Variants in RGL2 observed in about 807,000 individuals in gnomAD.
The protein encoded by RGL2 is ral guanine nucleotide dissociation stimulator like 2.
RGL2 carries 40 observed loss-of-function variants against 84.6 expected under a neutral mutation model. The observed-to-expected ratio is 0.47, with a 90% CI of 0.37 to 0.62. The LOEUF (loss-of-function observed/expected upper bound fraction) is 0.62. Ranked by LOEUF, RGL2 falls within the 20% of genes least tolerant of loss-of-function variation. The probability of loss-of-function intolerance (pLI) is 0.00; values close to 1 mark genes in which losing one functional copy is unlikely to be tolerated. For synonymous variants in RGL2, 369 were observed against 417.3 expected, an observed-to-expected ratio of 0.88 and a Z score of 1.41; for missense variants, 865 against 1,019.7, an observed-to-expected ratio of 0.85 and a Z score of 2.07.
Position 33,295,344 on chromosome 6 carries a change from G to T in RGL2, c.1099C>A (p.Arg367=). Residue 367 remains arginine, a synonymous_variant, in exon 8 of 18, where the codon CGG becomes AGG. Transcript: ENST00000497454. This position sits in a 1 kb window ranked among gnomAD's most constrained non-coding sequence, Gnocchi z 7.2. ...CTGGTTGCTTCCCCCCAGGCTGCCC[G>T]AAGCCTGTGGATGGGGCTGGACTGC... ...ALQSSPIHRL[R]AAWGEATRDS... 1 of 1,591,650 alleles carries T rather than the reference G, an allele frequency of 6.3e-7. No homozygotes were observed.
rs1767977658 is a variant in RGL2, at chr6:33,296,531, T to G, written c.419+67A>C. On this transcript the variant is annotated intron_variant, in intron 4 of 17. Coordinates refer to ENST00000497454, the MANE Select transcript of RGL2 (RefSeq NM_004761.5). The surrounding 1 kb of genome is among the most constrained non-coding windows in gnomAD (Gnocchi z 5.0). ...CCCTCAGTGGCTTTGACTATTTTGG[T>G]GGGATGTTGCGGCTTTAGGAAATCC... 3.2e-6 allele frequency: 5 copies of G among 1,585,792 alleles called. No individual in the cohort carries two copies. The highest frequency in any genetic ancestry group is 3.5e-5 in the Admixed American group (2 of 56,966).
At position 33,296,685 on chromosome 6, in the gene RGL2, C is replaced by T. The variant is rs1767995585; in HGVS notation, c.332G>A (p.Gly111Glu). ...GGCTGACATGAAGCTCACATCAGTC[C>T]CTGATGTCCGGGTATCCAGTAGGTG... ...VRHLLDTRTS[G>E]TDVSFMSAFL... is the part of the protein sequence containing the mutation. Residue 111 changes from glycine to glutamate, a missense_variant, in exon 4 of 18, where the codon GGG becomes GAG. Gly to Glu is a moderately conservative substitution (Grantham distance 98, BLOSUM62 -2). Transcript: ENST00000497454. The surrounding 1 kb of genome is among the most constrained non-coding windows in gnomAD (Gnocchi z 5.0). The T allele has an allele frequency of 6.2e-7, 1 of 1,613,846 alleles. No homozygotes were observed. Among genetic ancestry groups the T allele is most frequent in the Non-Finnish European group, 8.5e-7 (1 of 1,179,936 alleles).
rs989841321 is a variant in RGL2 at position 33,298,205 on chromosome 6, G to T, written c.156+250C>A. 7.1e-6 allele frequency: 3 copies of T among 424,902 alleles called. No homozygotes were observed. Among genetic ancestry groups the T allele is most frequent in the Non-Finnish European group, 1.3e-5 (3 of 231,642 alleles). 26.3% of individuals were successfully genotyped at this position (424,902 alleles called of 1,614,324 possible). A position where few individuals can be genotyped will look rare whatever the true frequency, so the allele number is the denominator to read the frequency against. ...GGCAGAGGTGGAGGGCCAAAGACCC[G>T]CAGGGACAGGACAGCCAGCCAGAAG... On this transcript the variant is annotated intron_variant, in intron 2 of 17. Transcript: ENST00000497454. This position sits in a 1 kb window ranked among gnomAD's most constrained non-coding sequence, Gnocchi z 4.8.
rs1767891191 is a variant in RGL2 at position 33,295,815 on chromosome 6, A to G, written c.769-56T>C. 3 of 1,571,336 alleles carry G rather than the reference A, an allele frequency of 1.9e-6. No homozygotes were observed. The highest frequency in any genetic ancestry group is 2.7e-5 in the African/African-American group (2 of 74,178). On this transcript the variant is annotated intron_variant, in intron 6 of 17. Transcript: ENST00000497454. This position sits in a 1 kb window ranked among gnomAD's most constrained non-coding sequence, Gnocchi z 7.2. The stretch of plus-strand genomic sequence containing the variant: ...ATAGTCAAGTGAGGTCAGCCTTCCA[A>G]TATCAGGGATCTGAGGATCTCAGGT...
At position 33,295,914 on chromosome 6, in the gene RGL2, G is replaced by A. The variant is rs752307057; in HGVS notation, c.768+114C>T. 1.4e-6 allele frequency: 2 copies of A among 1,456,712 alleles called. No individual in the cohort carries two copies. Among genetic ancestry groups the A allele is most frequent in the Non-Finnish European group, 1.9e-6 (2 of 1,056,478 alleles). The allele number at this position is 1,456,712 out of a possible 1,614,324, so 90.2% of individuals were successfully genotyped here. A position where few individuals can be genotyped will look rare whatever the true frequency, so the allele number is the denominator to read the frequency against. ...GAAAAGGGGAGAATCAAAATGGTAG[G>A]TGGAGGAGGCTAGGAGCTGGATCAG... On this transcript the variant is annotated intron_variant, in intron 6 of 17. Transcript: ENST00000497454. The surrounding 1 kb of genome is among the most constrained non-coding windows in gnomAD (Gnocchi z 7.2).
At chr6:33,292,986 C>T (rs913740400) in intron 16 of RGL2, 30 bp downstream of exon 16, 1 of 1,613,558 alleles carries the variant, frequency 6.2e-7, no homozygotes, top group Admixed American at 1.7e-5. Flanking sequence ...CACCATCCTT[C>T]ACCCCAACTC....
At position 33,297,122 on chromosome 6, in the gene RGL2, G is replaced by A. The variant is rs1311268163; in HGVS notation, c.157-7C>T. On this transcript the variant is annotated splice_region_variant and splice_polypyrimidine_tract_variant and intron_variant, in intron 2 of 17. Coordinates refer to ENST00000497454, the MANE Select transcript of RGL2 (RefSeq NM_004761.5). This position sits in a 1 kb window ranked among gnomAD's most constrained non-coding sequence, Gnocchi z 4.0. ...CCCAGACGGACACAGGGGCCTGGAG[G>A]AGCAAGGAAGGGGAAGTCAGACAGT... 2 of 1,542,400 alleles carry A rather than the reference G, an allele frequency of 1.3e-6. No homozygotes were observed. The highest frequency in any genetic ancestry group is 2.1e-5 in the Admixed American group (1 of 46,796).
Position 33,295,064 on chromosome 6 carries a change from A to G in RGL2, c.1210-19T>C. 1.3e-6 allele frequency: 2 copies of G among 1,584,398 alleles called. No homozygotes were observed. The highest frequency in any genetic ancestry group is 1.1e-5 in the South Asian group (1 of 87,162). On this transcript the variant is annotated intron_variant, in intron 9 of 17. Transcript: ENST00000497454. The surrounding 1 kb of genome is among the most constrained non-coding windows in gnomAD (Gnocchi z 7.2). The stretch of plus-strand genomic sequence containing the variant: ...TCACCTCCTGGTGGTGACAAAATAA[A>G]AGAGACATGGGGGAGCAGTAGGGAA...
chr6:33,293,708 G>C lies in RGL2; in HGVS notation c.1509-9C>G. 4 of 1,613,876 alleles carry C rather than the reference G, an allele frequency of 2.5e-6. No homozygotes were observed. The highest frequency in any genetic ancestry group is 3.4e-6 in the Non-Finnish European group (4 of 1,179,846). On this transcript the variant is annotated splice_polypyrimidine_tract_variant and intron_variant, in intron 13 of 17. Transcript: ENST00000497454. The surrounding 1 kb of genome is among the most constrained non-coding windows in gnomAD (Gnocchi z 7.0). ...CACAGGATACACGATGGCTGGGTTA[G>C]GGGGGCAATAGGCAGAGCTCAGGAC...
rs1767864968 is a variant in RGL2, at chr6:33,295,549, G to A, written c.979C>T (p.Gln327Ter). ...CACTTCTCCAGGAGCCGGGCCCTCT[G>A]TGGGGGACGGAGTGGCCGTATGGTC... The part of the protein sequence containing the change: ...EVTIRPLRPP[Q>*]RARLLEKWIR... Residue 327 changes from glutamine to a stop codon, truncating the protein, a stop_gained, in exon 7 of 18, where the codon CAG becomes TAG. Coordinates refer to ENST00000497454, the MANE Select transcript of RGL2 (RefSeq NM_004761.5). LOFTEE classifies it high-confidence loss of function. This position sits in a 1 kb window ranked among gnomAD's most constrained non-coding sequence, Gnocchi z 7.2. 1 of 1,613,974 alleles carries A rather than the reference G, an allele frequency of 6.2e-7. No homozygotes were observed. Among genetic ancestry groups the A allele is most frequent in the Non-Finnish European group, 8.5e-7 (1 of 1,180,014 alleles).
rs1462563105 is a variant in RGL2, at chr6:33,293,580, C to G, written c.1604+24G>C. The G allele has an allele frequency of 6.2e-7, 1 of 1,612,148 alleles. No individual in the cohort carries two copies. On this transcript the variant is annotated intron_variant, in intron 14 of 17. Coordinates refer to ENST00000497454, the MANE Select transcript of RGL2 (RefSeq NM_004761.5). This position sits in a 1 kb window ranked among gnomAD's most constrained non-coding sequence, Gnocchi z 7.0. ...GAAAAGTGGAAGTCCCAAGAAACCA[C>G]CCCCCAGCCAGTGAATCTCTCACTC...
upstream of RGL2, chr6:33,299,215 C>G (rs185554187): frequency 6.6e-6 from 1 of 152,268 alleles, no homozygotes; most frequent in Non-Finnish European, 1.5e-5. This position sits in a 1 kb window ranked among gnomAD's most constrained non-coding sequence, Gnocchi z 5.0. Context: ...AATAAAGATT[C>G]CAGTCTCCAG....
rs2150928875 is a variant in RGL2, at chr6:33,293,072, T to C, written c.1951A>G (p.Ile651Val). The part of the protein sequence containing the change: ...GSGPGASDCR[I>V]IRVQMELGED... Reference sequence around the variant, plus strand: ...CCCAACTCCATCTGGACTCGGATGATACGGCAATCAGAGGCCCCTGGCCCA... The same window carrying C: ...CCCAACTCCATCTGGACTCGGATGACACGGCAATCAGAGGCCCCTGGCCCA... Residue 651 changes from isoleucine (I) to valine (V), a missense_variant, in exon 16 of 18, where the codon ATC becomes GTC. Transcript: ENST00000497454. This position sits in a 1 kb window ranked among gnomAD's most constrained non-coding sequence, Gnocchi z 7.0. 2 of 1,614,186 alleles carry C rather than the reference T, an allele frequency of 1.2e-6. No homozygotes were observed. The highest frequency in any genetic ancestry group is 2.2e-5 in the East Asian group (1 of 44,886).
rs1322323343 is a variant in RGL2 at position 33,292,778 on chromosome 6, G to A, written c.2008-234C>T. 2.0e-5 allele frequency among the ~76,000 whole-genome samples: 3 copies of A among 152,242 alleles called. No individual in the cohort carries two copies. In the East Asian group the frequency reaches 5.8e-4, roughly 29 times the overall value. On this transcript the variant is annotated intron_variant, in intron 16 of 17. Transcript: ENST00000497454. ...GTTGATTCTGAAATTTTAACACGGC[G>A]ACCAAAAGTTTAAGGTGTAGCAACT...
At chr6:33,292,967 C>T (rs1767561675) in intron 16 of RGL2, 49 bp downstream of exon 16, 1 of 1,609,834 alleles carries the variant, frequency 6.2e-7, no homozygotes. Flanking sequence ...CATTTATAGT[C>T]CAACAAGACA....
Position 33,297,245 on chromosome 6 carries a change from C to T in RGL2, c.157-130G>A, listed in dbSNP as rs141849103. Reference sequence around the variant, plus strand: ...TGGCAGGGCATAGTACCAGCGAGTGCGAGGAAGGGTTGGGGGAGCTGGTGA... The same window carrying T: ...TGGCAGGGCATAGTACCAGCGAGTGTGAGGAAGGGTTGGGGGAGCTGGTGA... On this transcript the variant is annotated intron_variant, in intron 2 of 17. Transcript: ENST00000497454. The surrounding 1 kb of genome is among the most constrained non-coding windows in gnomAD (Gnocchi z 4.0). 4 of 691,286 alleles carry T rather than the reference C, an allele frequency of 5.8e-6. No homozygotes were observed. The highest frequency in any genetic ancestry group is 1.8e-5 in the African/African-American group (1 of 55,866). 42.8% of individuals were successfully genotyped at this position (691,286 alleles called of 1,614,324 possible). A position where few individuals can be genotyped will look rare whatever the true frequency, so the allele number is the denominator to read the frequency against.
Position 33,294,684 on chromosome 6 carries a change from T to C in RGL2, c.1353+4A>G. The C allele has an allele frequency of 6.2e-7, 1 of 1,613,878 alleles. No homozygotes were observed. The highest frequency in any genetic ancestry group is 8.5e-7 in the Non-Finnish European group (1 of 1,179,926). On this transcript the variant is annotated splice_donor_region_variant and intron_variant, in intron 11 of 17. Coordinates refer to ENST00000497454, the MANE Select transcript of RGL2 (RefSeq NM_004761.5). This position sits in a 1 kb window ranked among gnomAD's most constrained non-coding sequence, Gnocchi z 5.0. ...TTGCAATGACACACACACACACCAC[T>C]GACCTCCAACTCATCCTTGGAGGCT...
rs1323832066 is a variant in RGL2 at position 33,294,412 on chromosome 6, A to G, written c.1353+276T>C. On this transcript the variant is annotated intron_variant, in intron 11 of 17. Coordinates refer to ENST00000497454, the MANE Select transcript of RGL2 (RefSeq NM_004761.5). This position sits in a 1 kb window ranked among gnomAD's most constrained non-coding sequence, Gnocchi z 5.0. Reference sequence around the variant, plus strand: ...TAACAAACTCTAGCAATAGAGCAGGAGCCCATCACAAAACCTAGATGTGCT... The same window carrying G: ...TAACAAACTCTAGCAATAGAGCAGGGGCCCATCACAAAACCTAGATGTGCT... 1.3e-5 allele frequency among the ~76,000 whole-genome samples: 2 copies of G among 152,168 alleles called. No individual in the cohort carries two copies. Among genetic ancestry groups the G allele is most frequent in the African/African-American group, 4.8e-5 (2 of 41,432 alleles).
chr6:33,294,205 C>A lies in RGL2; in HGVS notation c.1354-139G>T. 1 of 992,964 alleles carries A rather than the reference C, an allele frequency of 1.0e-6. No individual in the cohort carries two copies. Among genetic ancestry groups the A allele is most frequent in the Non-Finnish European group, 1.5e-6 (1 of 669,562 alleles). The allele number at this position is 992,964 out of a possible 1,614,324, so 61.5% of individuals were successfully genotyped here. A position where few individuals can be genotyped will look rare whatever the true frequency, so the allele number is the denominator to read the frequency against. Reference sequence around the variant, plus strand: ...TCCAGCCTCTCTGACTCTTCGATCCCTCCCTGCCTTCCTCCTCAATCTATC... The same window carrying A: ...TCCAGCCTCTCTGACTCTTCGATCCATCCCTGCCTTCCTCCTCAATCTATC... On this transcript the variant is annotated intron_variant, in intron 11 of 17. Transcript: ENST00000497454. This position sits in a 1 kb window ranked among gnomAD's most constrained non-coding sequence, Gnocchi z 5.0.
Sources: allele counts gnomAD v4.1 joint callset (sites outside exome capture counted in the v4.1 genomes callset), GRCh38; gene constraint gnomAD v4.1.1; non-coding constraint Gnocchi (gnomAD v3.1); transcripts MANE v1.5; gene names NCBI Gene and HGNC (gene_info 2026-07-23, HGNC 2026-07-21).